The following LFNG variants were observed in gnomAD, a reference collection of about 807,000 sequenced individuals.
LFNG encodes the protein LFNG O-fucosylpeptide 3-beta-N-acetylglucosaminyltransferase, also known as beta-1,3-N-acetylglucosaminyltransferase lunatic fringe.
Under a neutral mutation model 32.7 loss-of-function variants are expected in LFNG, and 15 were observed. That is an observed-to-expected ratio of 0.46 (90% CI 0.31 to 0.71). LFNG has a LOEUF of 0.71. LFNG is among the 30% of genes least tolerant of loss of function. The pLI is 0.06. For missense variants in LFNG, 520 were observed against 545.7 expected, an observed-to-expected ratio of 0.95 and a Z score of 0.47; for synonymous variants, 274 against 246.8, an observed-to-expected ratio of 1.11 and a Z score of -1.03.
chr7:2,525,871 C>T, intron 5 of LFNG, 101 bp downstream of exon 5: 2 of 1,023,510 alleles, frequency 2.0e-6, no homozygotes, highest in Non-Finnish European at 3.0e-6. Flanking sequence ...TCCCCAGCCT[C>T]CTGTGTGGCA....
chr7:2,524,351 C>T (rs922172650), intron 1 of LFNG, among the ~76,000 whole-genome samples: 5 of 152,136 alleles, frequency 3.3e-5, no homozygotes, highest in South Asian at 2.1e-4. Context: ...GTGCACGGGG[C>T]GGGTCGGGAA....
Position 2,519,893 on chromosome 7 carries a change from TG to T in LFNG, c.34del (p.Ala12ArgfsTer133). The T allele has an allele frequency of 9.1e-7, 1 of 1,102,478 alleles. No homozygotes were observed. Among genetic ancestry groups the T allele is most frequent in the Non-Finnish European group, 1.1e-6 (1 of 900,820 alleles). The allele number at this position is 1,102,478 out of a possible 1,614,324, so 68.3% of individuals were successfully genotyped here. A position where few individuals can be genotyped will look rare whatever the true frequency, so the allele number is the denominator to read the frequency against. On this transcript the variant is annotated frameshift_variant, in exon 1 of 8. Coordinates refer to ENST00000222725, the MANE Select transcript of LFNG (RefSeq NM_001040167.2). LOFTEE classifies it high-confidence loss of function. ...AAGCGCTGCGGCCGGCGCCTGCTGC[TG>T]GCGCTGGCGGGCGCGCTGCTCGCCT... MLKRCGRRLL[L>X]ALAGALLACL... is the part of the protein sequence containing the mutation.
Position 2,525,654 on chromosome 7 carries a change from G to T in LFNG, c.736-31G>T, listed in dbSNP as rs764830769. On this transcript the variant is annotated intron_variant, in intron 4 of 7. Transcript: ENST00000222725. ...GGGACCGTGAGGGGCAGCAGCGCCT[G>T]GGTCTCAGGACACCTTCTCCCTTCT... The T allele has an allele frequency of 8.1e-6, 13 of 1,612,452 alleles. No individual in the cohort carries two copies. In the South Asian group the frequency reaches 1.3e-4, roughly 16 times the overall value.
In LFNG at chr7:2,526,719, C is replaced by T. The variant is rs573001536; in HGVS notation, c.988-117C>T. 2.1e-6 allele frequency: 2 copies of T among 957,124 alleles called. No individual in the cohort carries two copies. The highest frequency in any genetic ancestry group is 3.2e-5 in the African/African-American group (2 of 61,616). The allele number at this position is 957,124 out of a possible 1,614,324, so 59.3% of individuals were successfully genotyped here. A position where few individuals can be genotyped will look rare whatever the true frequency, so the allele number is the denominator to read the frequency against. On this transcript the variant is annotated intron_variant, in intron 6 of 7. Transcript: ENST00000222725. This position sits in a 1 kb window ranked among gnomAD's most constrained non-coding sequence, Gnocchi z 6.9. ...GGGGTGTGCAGGGCAGGTGTCCTTC[C>T]AGGTCCAAGGGAGGCCAGGGCAGGG... is the stretch of plus-strand genomic sequence containing the variant.
Position 2,526,097 on chromosome 7 carries a change from A to C in LFNG, c.822-147A>C. 1 of 780,318 alleles carries C rather than the reference A, an allele frequency of 1.3e-6. No individual in the cohort carries two copies. Among genetic ancestry groups the C allele is most frequent in the South Asian group, 1.7e-5 (1 of 58,400 alleles). The allele number at this position is 780,318 out of a possible 1,614,324, so 48.3% of individuals were successfully genotyped here. On this transcript the variant is annotated intron_variant, in intron 5 of 7. Transcript: ENST00000222725. This position sits in a 1 kb window ranked among gnomAD's most constrained non-coding sequence, Gnocchi z 6.9. ...CAGGGAGTGTGCCCTGGCTGTGGCC[A>C]GGGGAGGCAGAGGGAGCTGCAGCCC...
At chr7:2,516,545 G>C (rs978264133), upstream of LFNG, among the ~76,000 whole-genome samples, 2 of 152,230 alleles carry the variant, frequency 1.3e-5, no homozygotes, top group African/African-American at 4.8e-5. Context: ...AGCCCTGGCA[G>C]TTAGAGGAGG....
chr7:2,516,570 G>A (rs1295976423), upstream of LFNG, among the ~76,000 whole-genome samples: 1 of 152,228 alleles, frequency 6.6e-6, no homozygotes, highest in Non-Finnish European at 1.5e-5. Flanking sequence ...GACTCAGATG[G>A]GGACAGAACA....
At chr7:2,514,952 A>G (rs1045448626), upstream of LFNG, among the ~76,000 whole-genome samples, 3 of 151,318 alleles carry the variant, frequency 2.0e-5, no homozygotes, top group Non-Finnish European at 4.4e-5. Context: ...GTATCTATCC[A>G]TTCATCCATC....
chr7:2,517,924 C>T (rs184300810), upstream of LFNG: 167 of 1,149,518 alleles, frequency 1.5e-4, no homozygotes, highest in Admixed American at 6.4e-4. Context: ...CCAGCTGCTG[C>T]GTGGAGAATA....
At position 2,527,165 on chromosome 7, in the gene LFNG, C is replaced by A. The variant is rs1458284788; in HGVS notation, c.1093C>A (p.His365Asn). 2 of 1,612,896 alleles carry A rather than the reference C, an allele frequency of 1.2e-6. No homozygotes were observed. The change falls in exon 8 of 8, where the codon CAC becomes AAC. Residue 365 changes from histidine (H) to asparagine (N), a missense_variant. By Grantham distance (68) the His-to-Asn change is moderately conservative. Coordinates refer to ENST00000222725, the MANE Select transcript of LFNG (RefSeq NM_001040167.2). This position sits in a 1 kb window ranked among gnomAD's most constrained non-coding sequence, Gnocchi z 4.4. Reference sequence around the variant, plus strand: ...CCACAGGTTCCGCTCCATCCACTGCCACCTGTACCCGGACACACCCTGGTG... The same window carrying A: ...CCACAGGTTCCGCTCCATCCACTGCAACCTGTACCCGGACACACCCTGGTG... Reference protein sequence around the residue: ...DPSRFRSIHCHLYPDTPWCPR... With the variant: ...DPSRFRSIHCNLYPDTPWCPR...
At chr7:2,525,193 A>G (rs1291129497) in intron 2 of LFNG, 26 bp from the exon 3 acceptor site, 4 of 1,601,830 alleles carry the variant, frequency 2.5e-6, no homozygotes, top group Non-Finnish European at 3.4e-6. Context: ...GCTCAGACCT[A>G]CTCACAGCCG....
upstream of LFNG, chr7:2,518,460 A>AGC: frequency 1.2e-6 from 1 of 808,938 alleles, no homozygotes; most frequent in Non-Finnish European, 2.2e-6. Flanking sequence ...CAGCGTCCTT[A>AGC]GCGGGGGGAG....
upstream of LFNG, among the ~76,000 whole-genome samples, chr7:2,514,576 A>ATCCATCCATTCATCCATCCATCTG (rs1779565584): frequency 2.6e-5 from 4 of 151,640 alleles, no homozygotes; most frequent in Admixed American, 6.6e-5. Context: ...CCATCTATCC[A>ATCCATCCATTCATCCATCCATCTG]TCCATCCATT....
At chr7:2,515,950 C>A (rs541231794), upstream of LFNG, among the ~76,000 whole-genome samples, 3 of 152,240 alleles carry the variant, frequency 2.0e-5, no homozygotes, top group African/African-American at 7.2e-5. Flanking sequence ...GCCCAGCCAA[C>A]CTTCCCATCA....
In LFNG at chr7:2,519,828, G is replaced by C. The variant is rs764106343; in HGVS notation, c.-34G>C. 1.1e-4 allele frequency: 116 copies of C among 1,067,760 alleles called. No homozygotes were observed. The African/African-American group carries it at 1.7e-3, about 16-fold the overall frequency. 66.1% of individuals were successfully genotyped at this position (1,067,760 alleles called of 1,614,324 possible). ...TCGGGTCGGTGCAAGGCAGGCGCACGGGGAAGGGCGCGCCGCGCGGCCGCC... is the reference window on the plus strand; with the variant it reads ...TCGGGTCGGTGCAAGGCAGGCGCACCGGGAAGGGCGCGCCGCGCGGCCGCC... On this transcript the variant is annotated 5_prime_UTR_variant, in exon 1 of 8. Transcript: ENST00000222725.
In LFNG at chr7:2,526,747, G is replaced by T. The variant is rs897490205; in HGVS notation, c.988-89G>T. 18 of 1,232,192 alleles carry T rather than the reference G, an allele frequency of 1.5e-5. No individual in the cohort carries two copies. The highest frequency in any genetic ancestry group is 1.9e-5 in the Non-Finnish European group (16 of 841,388). The allele number at this position is 1,232,192 out of a possible 1,614,324, so 76.3% of individuals were successfully genotyped here. On this transcript the variant is annotated intron_variant, in intron 6 of 7. Coordinates refer to ENST00000222725, the MANE Select transcript of LFNG (RefSeq NM_001040167.2). The surrounding 1 kb of genome is among the most constrained non-coding windows in gnomAD (Gnocchi z 6.9). ...GTCCAAGGGAGGCCAGGGCAGGGCC[G>T]TTGCCTCACTCAGGGCTGTGTGGCC...
rs1344012698 is a variant in LFNG at position 2,526,302 on chromosome 7, G to A, written c.880G>A (p.Gly294Ser). The change falls in exon 6 of 8, where the codon GGC becomes AGC. Residue 294 changes from glycine to serine, a missense_variant. Transcript: ENST00000222725. This position sits in a 1 kb window ranked among gnomAD's most constrained non-coding sequence, Gnocchi z 6.9. ...CCGGCTGCCTGATGACTGCACCATC[G>A]GCTACATCGTGGAGGCCCTGCTGGG... ...RIRLPDDCTI[G>S]YIVEALLGVP... 6 of 1,612,912 alleles carry A rather than the reference G, an allele frequency of 3.7e-6. No homozygotes were observed. The highest frequency in any genetic ancestry group is 1.6e-4 in the Middle Eastern group (1 of 6,062).
rs1269850867 is a variant in LFNG, at chr7:2,525,671, C to T, written c.736-14C>T. 1.2e-6 allele frequency: 2 copies of T among 1,612,398 alleles called. No homozygotes were observed. Among genetic ancestry groups the T allele is most frequent in the African/African-American group, 1.3e-5 (1 of 74,956 alleles). On this transcript the variant is annotated splice_polypyrimidine_tract_variant and intron_variant, in intron 4 of 7. Coordinates refer to ENST00000222725, the MANE Select transcript of LFNG (RefSeq NM_001040167.2). ...CAGCGCCTGGGTCTCAGGACACCTT[C>T]TCCCTTCTCCCAGCGTCCTGTCCAC...
intron 2 of LFNG, among the ~76,000 whole-genome samples, 165 bp downstream of exon 2, chr7:2,524,908 C>T (rs1473348087): frequency 6.6e-6 from 1 of 152,204 alleles, no homozygotes; most frequent in Admixed American, 6.5e-5. Flanking sequence ...CCACTCGGGC[C>T]CCCCAATTCT....
Sources: allele counts gnomAD v4.1 joint callset (sites outside exome capture counted in the v4.1 genomes callset), GRCh38; gene constraint gnomAD v4.1.1; non-coding constraint Gnocchi (gnomAD v3.1); transcripts MANE v1.5; gene names NCBI Gene and HGNC (gene_info 2026-07-23, HGNC 2026-07-21).